The following AGPAT3 variants were observed in gnomAD, a reference collection of about 807,000 sequenced individuals.
AGPAT3 encodes the protein 1-acyl-sn-glycerol-3-phosphate acyltransferase gamma.
AGPAT3 carries 5 observed loss-of-function variants against 47.3 expected under a neutral mutation model. The ratio of observed to expected loss-of-function variants is 0.11; its 90% CI spans 0.06 to 0.22. The LOEUF (loss-of-function observed/expected upper bound fraction) is 0.22. AGPAT3 is among the 10% of genes least tolerant of loss of function. The pLI, the probability that AGPAT3 is intolerant of heterozygous loss-of-function variation, is 1.00. For synonymous variants in AGPAT3, 212 were observed against 208.3 expected, an observed-to-expected ratio of 1.02 and a Z score of -0.15; for missense variants, 315 against 493.0, an observed-to-expected ratio of 0.64 and a Z score of 3.42.
chr21:43,906,251 G>GT (rs1452782311), intron 2 of AGPAT3, among the ~76,000 whole-genome samples: 2 of 152,196 alleles, frequency 1.3e-5, no homozygotes, highest in Admixed American at 6.5e-5. Context: ...GTGACTGTCA[G>GT]TGATGGCATG....
chr21:43,873,212 A>T (rs984666491), intron 1 of AGPAT3, among the ~76,000 whole-genome samples: 2 of 152,144 alleles, frequency 1.3e-5, no homozygotes, highest in African/African-American at 4.8e-5. Context: ...AGCTCTCTCA[A>T]TGCCTGTCTC....
intron 3 of AGPAT3, 115 bp from the exon 4 acceptor site, chr21:43,967,831 T>A: frequency 2.8e-6 from 3 of 1,074,182 alleles, no homozygotes; most frequent in Non-Finnish European, 3.9e-6. Flanking sequence ...AAAACTCATG[T>A]TTAGCAGAGA....
chr21:43,959,930 C>G (rs1411906893), intron 3 of AGPAT3, 71 bp downstream of exon 3: 1 of 1,466,394 alleles, frequency 6.8e-7, no homozygotes. Context: ...ATGCACGGGG[C>G]AGCCGTGGGC....
intron 2 of AGPAT3, among the ~76,000 whole-genome samples, chr21:43,925,908 G>T (rs539605084): frequency 8.5e-5 from 13 of 152,372 alleles, no homozygotes; most frequent in Admixed American, 7.2e-4. Context: ...CCCAGAGCTG[G>T]CCTCTCTGGT....
intron 1 of AGPAT3, among the ~76,000 whole-genome samples, chr21:43,884,410 C>T (rs2085924860): frequency 6.6e-6 from 1 of 152,158 alleles, no homozygotes; most frequent in African/African-American, 2.4e-5. Flanking sequence ...CGACCTCGTC[C>T]CTGTTTTCTG....
At chr21:43,959,972 G>A in intron 3 of AGPAT3, 113 bp downstream of exon 3, 2 of 1,182,498 alleles carry the variant, frequency 1.7e-6, no homozygotes, top group Non-Finnish European at 2.4e-6. Flanking sequence ...TATGCAGGAG[G>A]TGCCGAGGCC....
chr21:43,969,385 C>T, intron 5 of AGPAT3, 106 bp downstream of exon 5: 1 of 1,416,766 alleles, frequency 7.1e-7, no homozygotes, highest in Non-Finnish European at 9.7e-7. Flanking sequence ...ATGAGAGCCT[C>T]TGCACATGGG....
chr21:43,924,348 CT>C (rs1238947487), intron 2 of AGPAT3, among the ~76,000 whole-genome samples: 1 of 152,176 alleles, frequency 6.6e-6, no homozygotes, highest in Non-Finnish European at 1.5e-5. Context: ...GTTTTAAGAA[CT>C]TTGTACAAGA....
At chr21:43,957,359 G>C (rs1376160320) in intron 2 of AGPAT3, among the ~76,000 whole-genome samples, 1 of 152,206 alleles carries the variant, frequency 6.6e-6, no homozygotes, top group Admixed American at 6.5e-5. Context: ...TGGAAGGCCA[G>C]CTGGTGCCAC....
Position 43,982,898 on chromosome 21 carries a change from C to T in AGPAT3, c.*506C>T, listed in dbSNP as rs2089901327. The T allele has an allele frequency of 6.4e-6, 1 of 155,288 alleles. No homozygotes were observed. The allele number at this position is 155,288 out of a possible 1,614,324, so 9.6% of individuals were successfully genotyped here. ...AGCACCTTGGCTCCCAGTGGGGGCC[C>T]CGTGGAGGGCGCCCGTAGTGATAAG... On this transcript the variant is annotated 3_prime_UTR_variant, in exon 10 of 10. Transcript: ENST00000291572. This position sits in a 1 kb window ranked among gnomAD's most constrained non-coding sequence, Gnocchi z 6.2.
rs1226593611 is a variant in AGPAT3, at chr21:43,920,479, A to G, written c.-49+16460A>G. Among the ~76,000 whole-genome samples, 1 of 151,624 alleles carries G rather than the reference A, an allele frequency of 6.6e-6. No individual in the cohort carries two copies. The highest frequency in any genetic ancestry group is 2.4e-5 in the African/African-American group (1 of 41,216). ...AGTGCTGAGTGTCTTTTTTTTTGCTAATGAGGTGACTGTGGCTGGGGCTCC... is the reference window on the plus strand; with the variant it reads ...AGTGCTGAGTGTCTTTTTTTTTGCTGATGAGGTGACTGTGGCTGGGGCTCC... On this transcript the variant is annotated intron_variant, in intron 2 of 9. Transcript: ENST00000291572. The surrounding 1 kb of genome is among the most constrained non-coding windows in gnomAD (Gnocchi z 6.1).
chr21:43,911,952 G>A (rs776153339), intron 2 of AGPAT3, among the ~76,000 whole-genome samples: 4 of 152,222 alleles, frequency 2.6e-5, no homozygotes, highest in Non-Finnish European at 4.4e-5. Flanking sequence ...CAAAGCAAAG[G>A]CTGCCCCTGG....
At position 43,959,739 on chromosome 21, in the gene AGPAT3, G is replaced by A. The variant is rs750466181; in HGVS notation, c.58G>A (p.Val20Ile). 5.9e-5 allele frequency: 96 copies of A among 1,613,922 alleles called. No homozygotes were observed. In the East Asian group the frequency reaches 2.1e-3, roughly 36 times the overall value. Residue 20 changes from valine to isoleucine, a missense_variant, in exon 3 of 10, where the codon GTC becomes ATC. Transcript: ENST00000291572. ...QFVLHLLVGF[V>I]FVVSGLVINF... Reference sequence around the variant, plus strand: ...CGTGCTGCACCTGCTGGTCGGCTTTGTCTTCGTGGTGAGTGGTCTGGTCAT... The same window carrying A: ...CGTGCTGCACCTGCTGGTCGGCTTTATCTTCGTGGTGAGTGGTCTGGTCAT...
At chr21:43,872,145 G>C (rs963248590) in intron 1 of AGPAT3, among the ~76,000 whole-genome samples, 4 of 151,166 alleles carry the variant, frequency 2.6e-5, no homozygotes, top group Admixed American at 1.3e-4. Flanking sequence ...ATTCCCAGGT[G>C]CCCTTATTAT....
At chr21:43,961,109 C>CT (rs1408952159) in intron 3 of AGPAT3, among the ~76,000 whole-genome samples, 1 of 151,154 alleles carries the variant, frequency 6.6e-6, no homozygotes, top group Non-Finnish European at 1.5e-5. Flanking sequence ...CACTGCACCA[C>CT]TCCAGCCTGG....
rs1376578494 is a variant in AGPAT3 at position 43,930,857 on chromosome 21, C to T, written c.-49+26838C>T. Among the ~76,000 whole-genome samples the T allele has an allele frequency of 6.6e-6, 1 of 152,126 alleles. No individual in the cohort carries two copies. The highest frequency in any genetic ancestry group is 1.5e-5 in the Non-Finnish European group (1 of 68,010). ...AGCTGCTGGTGACAAACGCAAGGGG[C>T]CTGCTGCCCTGTCCCCTCGGGCGGG... is the stretch of plus-strand genomic sequence containing the variant. On this transcript the variant is annotated intron_variant, in intron 2 of 9. Transcript: ENST00000291572. The surrounding 1 kb of genome is among the most constrained non-coding windows in gnomAD (Gnocchi z 5.0).
chr21:43,921,447 G>A (rs557399613), intron 2 of AGPAT3, among the ~76,000 whole-genome samples: 2 of 152,310 alleles, frequency 1.3e-5, no homozygotes, highest in African/African-American at 2.4e-5. Context: ...CAGGTCACAA[G>A]CTAGGATCAG....
intron 2 of AGPAT3, among the ~76,000 whole-genome samples, chr21:43,946,599 TA>T (rs36037106): frequency 0.022 from 2,996 of 133,362 alleles, 61 homozygotes; most frequent in African/African-American, 0.06. Context: ...GACTCCTTCT[TA>T]AAAAAAAAAA....
chr21:43,888,231 G>C (rs2086023716), intron 1 of AGPAT3, among the ~76,000 whole-genome samples: 1 of 152,036 alleles, frequency 6.6e-6, no homozygotes, highest in Non-Finnish European at 1.5e-5. Context: ...GTAGAGATGG[G>C]GTCTCAGTAT....
Sources: gnomAD v4.1 joint callset for allele counts (sites outside exome capture counted in the v4.1 genomes callset) on GRCh38, gnomAD v4.1.1 for gene constraint, Gnocchi (gnomAD v3.1) non-coding constraint, MANE v1.5 for transcripts, NCBI Gene and HGNC (gene_info 2026-07-23, HGNC 2026-07-21) for gene names.